ITGA11: variants seen among roughly 807,000 people sequenced by gnomAD.
The protein encoded by ITGA11 is integrin subunit alpha 11.
In ITGA11, 97 loss-of-function variants were observed where a neutral mutation model predicts 141.9. The observed-to-expected ratio is 0.68, with a 90% CI of 0.58 to 0.81. The LOEUF (loss-of-function observed/expected upper bound fraction) is 0.81. ITGA11 is among the 30% of genes least tolerant of loss of function. The pLI is 0.00. For missense variants in ITGA11, 1,387 were observed against 1,559.2 expected (o/e 0.89, Z 1.86); for synonymous variants, 658 against 624.6 (o/e 1.05, Z -0.80).
chr15:68,349,790 T>G (rs1310954709), intron 9 of ITGA11, among the ~76,000 whole-genome samples: 1 of 152,218 alleles, frequency 6.6e-6, no homozygotes, highest in Non-Finnish European at 1.5e-5. Context: ...TCTGAAGGAC[T>G]CTGCCCAAAA....
chr15:68,397,224 A>G (rs1264037915), intron 2 of ITGA11, among the ~76,000 whole-genome samples: 31 of 34 alleles, frequency 0.91, 15 homozygotes, highest in Admixed American at 1. Flanking sequence ...TATATTATAT[A>G]TTATATATTA....
In ITGA11 at chr15:68,311,023, C is replaced by G. The variant is rs1402055605; in HGVS notation, c.3145G>C (p.Glu1049Gln). The change falls in exon 26 of 30, where the codon GAG (glutamate) becomes CAG (glutamine). Residue 1049 changes from glutamate to glutamine, a missense_variant. By Grantham distance (29) the Glu-to-Gln change is conservative (BLOSUM62 2). Transcript: ENST00000315757. Reference protein sequence around the residue: ...NSTEYRPTPVEEDLRRAPQLN... With the variant: ...NSTEYRPTPVQEDLRRAPQLN... ...TGTGGAGCACGACGCAAGTCTTCCT[C>G]CACTGGGGTGGGCCGGTACTCAGTG... The G allele has an allele frequency of 6.2e-7, 1 of 1,606,496 alleles. No individual in the cohort carries two copies. The highest frequency in any genetic ancestry group is 1.1e-5 in the South Asian group (1 of 89,350).
In ITGA11 at chr15:68,303,279, C is replaced by A; in HGVS notation, c.3496-149G>T. The A allele has an allele frequency of 1.4e-6, 1 of 700,924 alleles. No homozygotes were observed. The highest frequency in any genetic ancestry group is 2.5e-6 in the Non-Finnish European group (1 of 406,242). 43.4% of individuals were successfully genotyped at this position (700,924 alleles called of 1,614,324 possible). A position where few individuals can be genotyped will look rare whatever the true frequency, so the allele number is the denominator to read the frequency against. The stretch of plus-strand genomic sequence containing the variant: ...ATTCTGAGCACCCCCTCCTCCAGAA[C>A]TGCCTCTGTGGACTGGAACACAGTG... On this transcript the variant is annotated intron_variant, in intron 29 of 29. Coordinates refer to ENST00000315757, the MANE Select transcript of ITGA11 (RefSeq NM_001004439.2). This position sits in a 1 kb window ranked among gnomAD's most constrained non-coding sequence, Gnocchi z 5.3.
intron 1 of ITGA11, among the ~76,000 whole-genome samples, chr15:68,406,168 T>C (rs1478450734): frequency 6.6e-6 from 1 of 152,174 alleles, no homozygotes; most frequent in South Asian, 2.1e-4. Flanking sequence ...AAGCCCTCTA[T>C]CAGTGCTTGT....
rs1357150380 is a variant in ITGA11, at chr15:68,325,246, G to C, written c.2212-5C>G. ...CTTCACGTAGTCAGCAGTGTCCTGG[G>C]GGGTGGAGATGAGGGCAGCGGTGAG... is the stretch of plus-strand genomic sequence containing the variant. On this transcript the variant is annotated splice_region_variant and splice_polypyrimidine_tract_variant and intron_variant, in intron 17 of 29. Coordinates refer to ENST00000315757, the MANE Select transcript of ITGA11 (RefSeq NM_001004439.2). This position sits in a 1 kb window ranked among gnomAD's most constrained non-coding sequence, Gnocchi z 5.5. The C allele has an allele frequency of 1.2e-6, 2 of 1,605,322 alleles. No homozygotes were observed. The highest frequency in any genetic ancestry group is 1.3e-5 in the African/African-American group (1 of 74,872).
intron 7 of ITGA11, among the ~76,000 whole-genome samples, chr15:68,356,247 C>T (rs928087865): frequency 3.3e-5 from 5 of 151,916 alleles, no homozygotes; most frequent in Non-Finnish European, 5.9e-5. Flanking sequence ...AAGCGCATGC[C>T]GCCATGCCCG....
chr15:68,357,347 C>A (rs761610858), intron 6 of ITGA11, 48 bp from the exon 7 acceptor site: 6 of 1,578,460 alleles, frequency 3.8e-6, no homozygotes, highest in Non-Finnish European at 5.2e-6. Flanking sequence ...CCCATGAACC[C>A]ATGAACCTTA....
At chr15:68,361,466 G>A (rs1262981892) in intron 5 of ITGA11, 124 bp downstream of exon 5, 1 of 648,144 alleles carries the variant, frequency 1.5e-6, no homozygotes, top group Non-Finnish European at 2.8e-6. Flanking sequence ...CATCCGGAGA[G>A]CTGGGGCAGG....
intron 2 of ITGA11, among the ~76,000 whole-genome samples, chr15:68,401,515 A>C (rs1896509864): frequency 6.6e-6 from 1 of 152,246 alleles, no homozygotes; most frequent in Non-Finnish European, 1.5e-5. Context: ...ACAATGGAAT[A>C]CTGCTCATCA....
intron 1 of ITGA11, among the ~76,000 whole-genome samples, chr15:68,420,620 AG>A (rs1896996123): frequency 1.3e-5 from 2 of 149,828 alleles, no homozygotes; most frequent in Admixed American, 1.3e-4. Flanking sequence ...CTTATCTAAA[AG>A]GAGTGATTGA....
rs1893176836 is a variant in ITGA11 at position 68,305,914 on chromosome 15, CG to C, written c.3381+1433del. Among the ~76,000 whole-genome samples, 2 of 151,662 alleles carry C rather than the reference CG, an allele frequency of 1.3e-5. No individual in the cohort carries two copies. The highest frequency in any genetic ancestry group is 2.1e-4 in the South Asian group (1 of 4,808). On this transcript the variant is annotated intron_variant, in intron 28 of 29. Transcript: ENST00000315757. The surrounding 1 kb of genome is among the most constrained non-coding windows in gnomAD (Gnocchi z 4.6). ...AAGAGAAATGAGGCATGGCCGGGCA[CG>C]GTGGCTCATGCCTGTAATCCCAGCA...
chr15:68,334,087 A>T (rs984797321), intron 12 of ITGA11, among the ~76,000 whole-genome samples: 2 of 152,054 alleles, frequency 1.3e-5, no homozygotes, highest in South Asian at 4.2e-4. Flanking sequence ...CTTCAGCTCC[A>T]TACTCCTCCC....
chr15:68,391,939 T>C (rs1896131095), intron 2 of ITGA11, among the ~76,000 whole-genome samples: 1 of 152,216 alleles, frequency 6.6e-6, no homozygotes, highest in South Asian at 2.1e-4. Flanking sequence ...TTTTAACCTT[T>C]CATACCATGT....
At chr15:68,315,844 G>T (rs1234987352) in intron 21 of ITGA11, 117 bp from the exon 22 acceptor site, 2 of 782,948 alleles carry the variant, frequency 2.6e-6, no homozygotes, top group Non-Finnish European at 4.1e-6. Context: ...TGGGGGTTGG[G>T]GAGCTGCTGG....
intron 28 of ITGA11, among the ~76,000 whole-genome samples, chr15:68,306,636 G>A (rs1386578089): frequency 2.4e-4 from 36 of 152,216 alleles, no homozygotes; most frequent in Non-Finnish European, 5.1e-4. Context: ...AGCTCCTTAG[G>A]TGGATCCTGA....
intron 11 of ITGA11, among the ~76,000 whole-genome samples, chr15:68,336,944 G>C (rs1047359775): frequency 6.6e-6 from 1 of 152,178 alleles, no homozygotes; most frequent in Non-Finnish European, 1.5e-5. Context: ...CACTCTTGAG[G>C]CTGTACTTTG....
intron 2 of ITGA11, 145 bp downstream of exon 2, chr15:68,402,773 T>C: frequency 1.7e-6 from 1 of 606,010 alleles, no homozygotes; most frequent in Admixed American, 2.7e-5. Context: ...GTGCAGTCTC[T>C]GACCTGCTGG....
At chr15:68,381,620 A>G (rs987734917) in intron 2 of ITGA11, among the ~76,000 whole-genome samples, 3 of 151,478 alleles carry the variant, frequency 2.0e-5, no homozygotes, top group African/African-American at 7.3e-5. Flanking sequence ...CAGTGGCATC[A>G]TCTTGGCTCA....
rs1372985139 is a variant in ITGA11, at chr15:68,326,764, G to C, written c.2101C>G (p.Arg701Gly). The change falls in exon 17 of 30, where the codon CGG becomes GGG. Residue 701 changes from arginine to glycine, a missense_variant. Coordinates refer to ENST00000315757, the MANE Select transcript of ITGA11 (RefSeq NM_001004439.2). The surrounding 1 kb of genome is among the most constrained non-coding windows in gnomAD (Gnocchi z 6.8). The stretch of plus-strand genomic sequence containing the variant: ...TCCAGGTGGGCCCTCGGTGTATACC[G>C]CCTCTCATCCATGGTGGCGTTGTAT... ...IRYNATMDER[R>G]YTPRAHLDEG... is the part of the protein sequence containing the mutation. 1.3e-6 allele frequency: 2 copies of C among 1,581,228 alleles called. No homozygotes were observed. The highest frequency in any genetic ancestry group is 1.4e-5 in the African/African-American group (1 of 74,040).
Sources: gnomAD v4.1 joint callset for allele counts (sites outside exome capture counted in the v4.1 genomes callset) on GRCh38, gnomAD v4.1.1 for gene constraint, Gnocchi (gnomAD v3.1) non-coding constraint, MANE v1.5 for transcripts, NCBI Gene and HGNC (gene_info 2026-07-23, HGNC 2026-07-21) for gene names.